FANCC: variants seen among roughly 807,000 people sequenced by gnomAD.
The protein encoded by FANCC is FA complementation group C, also known as Fanconi anemia group C protein.
FANCC carries 55 observed loss-of-function variants against 71.3 expected under a neutral mutation model. That is an observed-to-expected ratio of 0.77 (90% CI 0.62 to 0.97). The LOEUF is 0.97. FANCC is among the 50% of genes least tolerant of loss of function. The probability of loss-of-function intolerance (pLI) is 0.00; values close to 1 mark genes in which losing one functional copy is unlikely to be tolerated. For synonymous variants in FANCC, 275 were observed against 244.9 expected, an observed-to-expected ratio of 1.12 and a Z score of -1.15; for missense variants, 678 against 670.9, an observed-to-expected ratio of 1.01 and a Z score of -0.12.
At chr9:95,255,417 C>T (rs1252657605) in intron 1 of FANCC, among the ~76,000 whole-genome samples, 1 of 152,152 alleles carries the variant, frequency 6.6e-6, no homozygotes, top group Non-Finnish European at 1.5e-5. Context: ...AGGCAAACAG[C>T]GTCTGGAGTG....
intron 1 of FANCC, among the ~76,000 whole-genome samples, chr9:95,261,982 T>C (rs1459101915): frequency 1.3e-5 from 2 of 152,192 alleles, no homozygotes; most frequent in Admixed American, 6.5e-5. Flanking sequence ...CAGTTCACAA[T>C]GGCATCAGCT....
intron 13 of FANCC, 72 bp from the exon 14 acceptor site, chr9:95,107,341 T>G: frequency 1.3e-6 from 2 of 1,521,470 alleles, no homozygotes; most frequent in Non-Finnish European, 1.8e-6. Context: ...ATTTATTTAT[T>G]TGCTTTGAAA....
chr9:95,256,233 G>T (rs1831650011), intron 1 of FANCC, among the ~76,000 whole-genome samples: 1 of 152,102 alleles, frequency 6.6e-6, no homozygotes, highest in South Asian at 2.1e-4. Flanking sequence ...CCCAAGACAT[G>T]TAATTGTCAG....
intron 4 of FANCC, among the ~76,000 whole-genome samples, chr9:95,209,920 G>C (rs569781418): frequency 5.9e-5 from 9 of 152,252 alleles, no homozygotes; most frequent in South Asian, 2.1e-4. Flanking sequence ...AGAAACTCTT[G>C]CACATGTATA....
At chr9:95,302,081 C>A (rs375189721) in intron 1 of FANCC, among the ~76,000 whole-genome samples, 1,055 of 98,466 alleles carry the variant, frequency 0.011, no homozygotes, top group African/African-American at 0.012. Context: ...GACTCCATCT[C>A]AAAAAAAAAA....
chr9:95,291,325 A>G (rs1833983987), intron 1 of FANCC, among the ~76,000 whole-genome samples: 1 of 152,178 alleles, frequency 6.6e-6, no homozygotes, highest in South Asian at 2.1e-4. Flanking sequence ...AAAACCCTAC[A>G]AATTCCACTA....
At chr9:95,293,866 A>C in intron 1 of FANCC, 1 of 1,609,400 alleles carries the variant, frequency 6.2e-7, no homozygotes, top group Non-Finnish European at 8.5e-7. Context: ...GTACAGATGG[A>C]CCAAGCTGGA....
intron 6 of FANCC, among the ~76,000 whole-genome samples, chr9:95,156,813 G>A (rs1830481816): frequency 1.3e-5 from 2 of 152,090 alleles, no homozygotes; most frequent in East Asian, 1.9e-4. Context: ...TGTCAACCAC[G>A]CTGCAGCCAT....
intron 6 of FANCC, among the ~76,000 whole-genome samples, chr9:95,166,628 A>C (rs1831084564): frequency 6.6e-6 from 1 of 152,166 alleles, no homozygotes; most frequent in South Asian, 2.1e-4. Context: ...ATTTATGTAC[A>C]CTCAGCCCTC....
chr9:95,200,235 C>G (rs1490265045), intron 4 of FANCC, among the ~76,000 whole-genome samples: 14 of 152,140 alleles, frequency 9.2e-5, no homozygotes, highest in Admixed American at 9.2e-4. Flanking sequence ...TGCTGGGGTT[C>G]ACATTAGTAC....
intron 4 of FANCC, among the ~76,000 whole-genome samples, chr9:95,236,609 T>C (rs1459793783): frequency 6.6e-6 from 1 of 152,180 alleles, no homozygotes; most frequent in East Asian, 1.9e-4. Context: ...TACAACTCAG[T>C]CTATCATTTT....
At chr9:95,116,832 GAACTCTCTCA>G (rs1170086038) in intron 11 of FANCC, among the ~76,000 whole-genome samples, 2 of 152,224 alleles carry the variant, frequency 1.3e-5, no homozygotes, top group Non-Finnish European at 2.9e-5. Flanking sequence ...GCACCTTACT[GAACTCTCTCA>G]AAATCCTTCC....
intron 7 of FANCC, among the ~76,000 whole-genome samples, chr9:95,137,464 G>T (rs1273058210): frequency 6.6e-6 from 1 of 152,022 alleles, no homozygotes; most frequent in Admixed American, 6.6e-5. Flanking sequence ...GGACCCACCG[G>T]CAGGCCCCGT....
At position 95,099,695 on chromosome 9, in the gene FANCC, C is replaced by CA. The variant is rs1310916848; in HGVS notation, c.*2011dup. On this transcript the variant is annotated 3_prime_UTR_variant, in exon 15 of 15. Coordinates refer to ENST00000289081, the MANE Select transcript of FANCC (RefSeq NM_000136.3). ...CACGTCCCCAGAGGGACAGTCCTCC[C>CA]ACCCAGGAACCCCTGGCTGCCCAGA... is the stretch of plus-strand genomic sequence containing the variant. 8.6e-6 allele frequency: 2 copies of CA among 232,308 alleles called. No individual in the cohort carries two copies. The highest frequency in any genetic ancestry group is 1.7e-5 in the Non-Finnish European group (2 of 117,560). 14.4% of individuals were successfully genotyped at this position (232,308 alleles called of 1,614,324 possible).
intron 1 of FANCC, among the ~76,000 whole-genome samples, chr9:95,306,987 C>T (rs1237867022): frequency 1.3e-5 from 2 of 152,194 alleles, no homozygotes; most frequent in African/African-American, 4.8e-5. Context: ...GATCCTCCCA[C>T]TTCAGCCTAC....
intron 3 of FANCC, among the ~76,000 whole-genome samples, 159 bp downstream of exon 3, chr9:95,247,273 C>T (rs1023163289): frequency 1.3e-5 from 2 of 148,742 alleles, no homozygotes; most frequent in African/African-American, 5.0e-5. Context: ...ACATGGACAA[C>T]AGTATAGGAA....
In FANCC at chr9:95,276,336, T is replaced by G. The variant is rs184612215; in HGVS notation, c.-78-26967A>C. Reference sequence around the variant, plus strand: ...GTCTGCAGAATATCCTAACAGTACCTCTGGTTTCTTGCATTAATTCAATGG... The same window carrying G: ...GTCTGCAGAATATCCTAACAGTACCGCTGGTTTCTTGCATTAATTCAATGG... On this transcript the variant is annotated intron_variant, in intron 1 of 14. Coordinates refer to ENST00000289081, the MANE Select transcript of FANCC (RefSeq NM_000136.3). Among the ~76,000 whole-genome samples, 4 of 152,334 alleles carry G rather than the reference T, an allele frequency of 2.6e-5. No homozygotes were observed. The East Asian group carries it at 7.7e-4, about 29-fold the overall frequency.
chr9:95,295,238 C>T lies in FANCC; in HGVS notation c.-79+22288G>A, dbSNP rs554075108. ...GTCTTCACAGCAAAGAAAATAACAG[C>T]GTGAAGAGACAACCTACAGAATGGG... On this transcript the variant is annotated intron_variant, in intron 1 of 14. Coordinates refer to ENST00000289081, the MANE Select transcript of FANCC (RefSeq NM_000136.3). 4.6e-5 allele frequency among the ~76,000 whole-genome samples: 7 copies of T among 152,060 alleles called. No homozygotes were observed. The South Asian group carries it at 1.0e-3, about 23-fold the overall frequency.
At chr9:95,139,820 GAATA>G (rs1564685002) in intron 7 of FANCC, among the ~76,000 whole-genome samples, 1 of 143,826 alleles carries the variant, frequency 7.0e-6, no homozygotes, top group Non-Finnish European at 1.5e-5. Context: ...CTGACAAAAT[GAATA>G]TATATATATT....
Sources: allele counts gnomAD v4.1 joint callset (sites outside exome capture counted in the v4.1 genomes callset), GRCh38; gene constraint gnomAD v4.1.1; transcripts MANE v1.5; gene names NCBI Gene and HGNC (gene_info 2026-07-23, HGNC 2026-07-21).